SLC24A1: variants seen among roughly 807,000 people sequenced by gnomAD.
SLC24A1 encodes the protein solute carrier family 24 member 1, also known as sodium/potassium/calcium exchanger 1.
In SLC24A1, 52 loss-of-function variants were observed where a neutral mutation model predicts 88.1. The observed-to-expected ratio is 0.59, with a 90% confidence interval of 0.47 to 0.74. SLC24A1 has a LOEUF of 0.74. Among genes scored for constraint, SLC24A1 ranks in the 30% least tolerant of loss-of-function variants. The pLI, the probability that SLC24A1 is intolerant of heterozygous loss-of-function variation, is 0.00. For missense variants in SLC24A1, 1,173 were observed against 1,363.3 expected, an observed-to-expected ratio of 0.86 and a Z score of 2.20; for synonymous variants, 455 against 498.0, an observed-to-expected ratio of 0.91 and a Z score of 1.15.
At position 65,655,430 on chromosome 15, in the gene SLC24A1, A is replaced by C. The variant is rs2075647774; in HGVS notation, c.*1351A>C. ...GTGAGAAAAGTGCAGTACTACTTCC[A>C]AGGTAGCTAGTGTAAAGGACACTTG... On this transcript the variant is annotated 3_prime_UTR_variant, in exon 10 of 10. Coordinates refer to ENST00000261892, the MANE Select transcript of SLC24A1 (RefSeq NM_004727.3). The C allele has an allele frequency of 1.0e-6, 1 of 985,434 alleles. No homozygotes were observed. The highest frequency in any genetic ancestry group is 1.2e-6 in the Non-Finnish European group (1 of 829,900). 61.0% of individuals were successfully genotyped at this position (985,434 alleles called of 1,614,324 possible).
Position 65,650,835 on chromosome 15 carries a change from C to G in SLC24A1, c.2686C>G (p.Pro896Ala), listed in dbSNP as rs1199934765. Residue 896 changes from proline to alanine, a missense_variant, in exon 7 of 10, where the codon CCT becomes GCT. By Grantham distance (27) the Pro-to-Ala change is conservative. Coordinates refer to ENST00000261892, the MANE Select transcript of SLC24A1 (RefSeq NM_004727.3). This position sits in a 1 kb window ranked among gnomAD's most constrained non-coding sequence, Gnocchi z 4.1. ...AGAGGAGGAGAAGGGAAATGAAGAG[C>G]CTCTGTCCCTGGACTGGCCTGAAAC... is the stretch of plus-strand genomic sequence containing the variant. ...EEEEEKGNEE[P>A]LSLDWPETRQ... 1.4e-5 allele frequency: 22 copies of G among 1,613,710 alleles called. No individual in the cohort carries two copies. The highest frequency in any genetic ancestry group is 1.7e-5 in the Non-Finnish European group (20 of 1,179,774).
At chr15:65,645,915 A>G (rs2075286900) in intron 6 of SLC24A1, among the ~76,000 whole-genome samples, 1 of 152,238 alleles carries the variant, frequency 6.6e-6, no homozygotes, top group Non-Finnish European at 1.5e-5. Flanking sequence ...GTGAGCTAAC[A>G]TATTGACAAT....
Position 65,625,174 on chromosome 15 carries a change from G to A in SLC24A1, c.1094G>A (p.Trp365Ter), listed in dbSNP as rs375552552. ...SAIKTAPAIV[W>*]RLAKKPSTAP... ...ATCAAAACAGCCCCAGCCATAGTCT[G>A]GAGGCTGGCAAAGAAACCTTCCACA... The change falls in exon 2 of 10, where the codon TGG (tryptophan) becomes TAG (stop). Residue 365 changes from tryptophan to a stop codon, truncating the protein, a stop_gained. Transcript: ENST00000261892. LOFTEE classifies it high-confidence loss of function. The A allele has an allele frequency of 1.4e-5, 23 of 1,613,800 alleles. No individual in the cohort carries two copies. Among genetic ancestry groups the A allele is most frequent in the Non-Finnish European group, 1.7e-5 (20 of 1,179,884 alleles).
At chr15:65,657,437 C>T (rs953597176), downstream of SLC24A1, among the ~76,000 whole-genome samples, 6 of 151,758 alleles carry the variant, frequency 4.0e-5, no homozygotes, top group African/African-American at 1.2e-4. Context: ...GTCAGTAGAT[C>T]GAGACCATCC....
At position 65,624,697 on chromosome 15, in the gene SLC24A1, T is replaced by G; in HGVS notation, c.617T>G (p.Met206Arg). Residue 206 changes from methionine (M) to arginine (R), a missense_variant, in exon 2 of 10, where the codon ATG becomes AGG. Coordinates refer to ENST00000261892, the MANE Select transcript of SLC24A1 (RefSeq NM_004727.3). ...GGCACTTACGTGCCGTCCACATTCA[T>G]GACAATGGAAACAAGCCATGCGATC... The part of the protein sequence containing the change: ...RVGTYVPSTF[M>R]TMETSHAITP... 2 of 1,608,336 alleles carry G rather than the reference T, an allele frequency of 1.2e-6. No individual in the cohort carries two copies. The highest frequency in any genetic ancestry group is 1.7e-6 in the Non-Finnish European group (2 of 1,177,118).
rs370847802 is a variant in SLC24A1, at chr15:65,655,688, G to A, written c.*1609G>A. 15 of 985,132 alleles carry A rather than the reference G, an allele frequency of 1.5e-5. No homozygotes were observed. The Admixed American group carries it at 5.5e-4, about 36-fold the overall frequency. The allele number at this position is 985,132 out of a possible 1,614,324, so 61.0% of individuals were successfully genotyped here. A position where few individuals can be genotyped will look rare whatever the true frequency, so the allele number is the denominator to read the frequency against. On this transcript the variant is annotated 3_prime_UTR_variant, in exon 10 of 10. Transcript: ENST00000261892. ...TTCACTGAAGATGAAAAGATAGGAC[G>A]GATGTGATATGAAAAAAACCCAAAC... is the stretch of plus-strand genomic sequence containing the variant.
At chr15:65,619,602 A>G (rs2074255726), upstream of SLC24A1, among the ~76,000 whole-genome samples, 1 of 152,106 alleles carries the variant, frequency 6.6e-6, no homozygotes, top group South Asian at 2.1e-4. Context: ...TTTCTACTGT[A>G]CAACTGTAGA....
chr15:65,624,695 C>A lies in SLC24A1; in HGVS notation c.615C>A (p.Phe205Leu). 1 of 1,607,826 alleles carries A rather than the reference C, an allele frequency of 6.2e-7. No individual in the cohort carries two copies. The highest frequency in any genetic ancestry group is 8.5e-7 in the Non-Finnish European group (1 of 1,176,838). Reference protein sequence around the residue: ...RRVGTYVPSTFMTMETSHAIT... With the variant: ...RRVGTYVPSTLMTMETSHAIT... ...TAGGCACTTACGTGCCGTCCACATT[C>A]ATGACAATGGAAACAAGCCATGCGA... The change falls in exon 2 of 10, where the codon TTC becomes TTA. Residue 205 changes from phenylalanine to leucine, a missense_variant. Physicochemically the swap from Phe to Leu is conservative, Grantham distance 22. Transcript: ENST00000261892.
At chr15:65,621,320 C>T (rs1285052831), upstream of SLC24A1, among the ~76,000 whole-genome samples, 3 of 152,184 alleles carry the variant, frequency 2.0e-5, no homozygotes, top group Non-Finnish European at 4.4e-5. Context: ...GGGCTGGAGG[C>T]GCGGGGGGCT....
rs754433317 is a variant in SLC24A1 at position 65,625,026 on chromosome 15, C to G, written c.946C>G (p.Pro316Ala). The G allele has an allele frequency of 2.3e-5, 37 of 1,613,302 alleles. No individual in the cohort carries two copies. In the South Asian group the frequency reaches 3.8e-4, roughly 17 times the overall value. ...CCAGGGAACAGTCCTGTTGCATACC[C>G]CAGCCACCTCTGAGGGGCAGGTGAC... ...TPQGTVLLHT[P>A]ATSEGQVTIS... Residue 316 changes from proline (P) to alanine (A), a missense_variant, in exon 2 of 10, where the codon CCA (proline) becomes GCA (alanine). Pro to Ala is a conservative substitution (Grantham distance 27, BLOSUM62 -1). Coordinates refer to ENST00000261892, the MANE Select transcript of SLC24A1 (RefSeq NM_004727.3).
rs147933940 is a variant in SLC24A1 at position 65,640,364 on chromosome 15, G to A, written c.2053+661G>A. On this transcript the variant is annotated intron_variant, in intron 4 of 9. Transcript: ENST00000261892. The stretch of plus-strand genomic sequence containing the variant: ...GTCCAATTTGACAAATGGTGGCAGC[G>A]GCTGAGATTCTCACTGTCCACCTTA... Among the ~76,000 whole-genome samples, 609 of 152,222 alleles carry A rather than the reference G, an allele frequency of 4.0e-3. 4 individuals carry two copies. Among genetic ancestry groups the A allele is most frequent in the Admixed American group, 0.011 (174 of 15,286 alleles).
upstream of SLC24A1, among the ~76,000 whole-genome samples, chr15:65,620,728 A>T (rs532257810): frequency 4.6e-5 from 7 of 152,330 alleles, no homozygotes; most frequent in African/African-American, 1.7e-4. Context: ...TTCTCCCCTG[A>T]ATTTTTTATA....
chr15:65,654,021 T>G lies in SLC24A1; in HGVS notation c.3242T>G (p.Phe1081Cys), dbSNP rs2075596709. ...GFTMFLLYFV[F>C]LIISVMLEDR... ...ACAATGTTCCTCCTTTACTTTGTAT[T>G]CCTGATAATCAGTGTGATGTTAGAA... Residue 1081 changes from phenylalanine to cysteine, a missense_variant, in exon 10 of 10, where the codon TTC (phenylalanine) becomes TGC (cysteine). Coordinates refer to ENST00000261892, the MANE Select transcript of SLC24A1 (RefSeq NM_004727.3). The G allele has an allele frequency of 6.2e-7, 1 of 1,613,828 alleles. No individual in the cohort carries two copies. The highest frequency in any genetic ancestry group is 1.6e-4 in the Middle Eastern group (1 of 6,062).
intron 5 of SLC24A1, among the ~76,000 whole-genome samples, chr15:65,644,886 C>A (rs897226403): frequency 1.3e-5 from 2 of 152,200 alleles, no homozygotes; most frequent in African/African-American, 4.8e-5. Context: ...CTCTTCTGTA[C>A]AAGGACAGTG....
At chr15:65,628,815 G>C (rs961832107) in intron 2 of SLC24A1, among the ~76,000 whole-genome samples, 22 of 152,204 alleles carry the variant, frequency 1.4e-4, no homozygotes, top group African/African-American at 5.3e-4. Context: ...ATTGTATCCA[G>C]TAGAAGGGAC....
upstream of SLC24A1, among the ~76,000 whole-genome samples, chr15:65,621,684 T>C (rs2074322845): frequency 6.6e-6 from 1 of 152,196 alleles, no homozygotes; most frequent in South Asian, 2.1e-4. Flanking sequence ...TTCAAAACTT[T>C]CCACCATCTA....
chr15:65,634,740 C>CAAAAAAAAAAAAAAAAAAAAA (rs5813364), intron 2 of SLC24A1, among the ~76,000 whole-genome samples: 3 of 90,530 alleles, frequency 3.3e-5, no homozygotes, highest in Non-Finnish European at 4.5e-5. Flanking sequence ...TCAAAAGCAC[C>CAAAAAAAAAAAAAAAAAAAAA]AAAAAAAAAA....
chr15:65,617,509 T>C (rs1279486995), upstream of SLC24A1, among the ~76,000 whole-genome samples: 1 of 152,182 alleles, frequency 6.6e-6, no homozygotes, highest in Non-Finnish European at 1.5e-5. Context: ...GGGAGTTCAC[T>C]CATGATTTGG....
At chr15:65,611,421 C>A in exon 1 of SLC24A1, 1 of 564,114 alleles carries the variant, frequency 1.8e-6, no homozygotes, top group Non-Finnish European at 3.2e-6. Context: ...CTGAATCTCT[C>A]CCCATTCTCG....
Sources: gnomAD v4.1 joint callset for allele counts (sites outside exome capture counted in the v4.1 genomes callset) on GRCh38, gnomAD v4.1.1 for gene constraint, Gnocchi (gnomAD v3.1) non-coding constraint, MANE v1.5 for transcripts, NCBI Gene and HGNC (gene_info 2026-07-23, HGNC 2026-07-21) for gene names.